The following SLC11A1 variants were observed in gnomAD, a reference collection of about 807,000 sequenced individuals.
SLC11A1 encodes the protein natural resistance-associated macrophage protein 1.
SLC11A1 carries 59 observed loss-of-function variants against 63.2 expected under a neutral mutation model. The ratio of observed to expected loss-of-function variants is 0.93; its 90% CI spans 0.76 to 1.16. The LOEUF is 1.16. Among genes scored for constraint, SLC11A1 ranks in the 50% most tolerant of loss-of-function variants. The probability of loss-of-function intolerance (pLI) is 0.00; values close to 1 mark genes in which losing one functional copy is unlikely to be tolerated. For missense variants in SLC11A1, 688 were observed against 730.7 expected, an observed-to-expected ratio of 0.94 and a Z score of 0.67; for synonymous variants, 305 against 307.8, an observed-to-expected ratio of 0.99 and a Z score of 0.09.
At position 218,384,364 on chromosome 2, in the gene SLC11A1, A is replaced by G; in HGVS notation, c.272A>G (p.Lys91Arg). 1 of 1,601,740 alleles carries G rather than the reference A, an allele frequency of 6.2e-7. No individual in the cohort carries two copies. The highest frequency in any genetic ancestry group is 8.5e-7 in the Non-Finnish European group (1 of 1,171,272). Residue 91 changes from lysine (K) to arginine (R), a missense_variant and splice_region_variant, in exon 3 of 15, where the codon AAA becomes AGA. Physicochemically the swap from Lys to Arg is conservative, Grantham distance 26. Transcript: ENST00000233202. The surrounding 1 kb of genome is among the most constrained non-coding windows in gnomAD (Gnocchi z 4.0). ...DLQAGAVAGF[K>R]LLWVLLWATV... Reference sequence around the variant, plus strand: ...CAGGCTGGCGCCGTGGCGGGATTCAAAGTAACTAAGTCGGGACCTGAGTGG... The same window carrying G: ...CAGGCTGGCGCCGTGGCGGGATTCAGAGTAACTAAGTCGGGACCTGAGTGG...
intron 5 of SLC11A1, 104 bp downstream of exon 5, chr2:218,386,845 C>A: frequency 1.2e-6 from 1 of 839,084 alleles, no homozygotes; most frequent in Non-Finnish European, 2.0e-6. Context: ...TCCTGCTGTC[C>A]CCTCTGAAGC....
chr2:218,385,650 C>G lies in SLC11A1; in HGVS notation c.393+384C>G, dbSNP rs1427064613. On this transcript the variant is annotated intron_variant, in intron 4 of 14. Coordinates refer to ENST00000233202, the MANE Select transcript of SLC11A1 (RefSeq NM_000578.4). Reference sequence around the variant, plus strand: ...AGATGATCCACCCACCTCAGTCTCCCAAAGTGCTGGGATTACAGGCATGAG... The same window carrying G: ...AGATGATCCACCCACCTCAGTCTCCGAAAGTGCTGGGATTACAGGCATGAG... 8.3e-6 allele frequency: 3 copies of G among 362,362 alleles called. No homozygotes were observed. The Admixed American group carries it at 1.1e-4, about 13-fold the overall frequency. The allele number at this position is 362,362 out of a possible 1,614,324, so 22.4% of individuals were successfully genotyped here. A position where few individuals can be genotyped will look rare whatever the true frequency, so the allele number is the denominator to read the frequency against.
intron 11 of SLC11A1, 81 bp downstream of exon 11, chr2:218,391,576 G>C (rs1385694652): frequency 5.7e-6 from 8 of 1,392,498 alleles, no homozygotes; most frequent in Non-Finnish European, 7.7e-6. Context: ...TCCGAGCCTT[G>C]TGGGTCCTCT....
Position 218,386,846 on chromosome 2 carries a change from C to T in SLC11A1, c.500+105C>T, listed in dbSNP as rs1043535344. 4 of 839,562 alleles carry T rather than the reference C, an allele frequency of 4.8e-6. No individual in the cohort carries two copies. In the African/African-American group the frequency reaches 5.0e-5, roughly 11 times the overall value. 52.0% of individuals were successfully genotyped at this position (839,562 alleles called of 1,614,324 possible). On this transcript the variant is annotated intron_variant, in intron 5 of 14. Transcript: ENST00000233202. ...CAGAGTCTATTTTATCCTGCTGTCC[C>T]CTCTGAAGCAGGGCTGCTGCCCTGT...
intron 9 of SLC11A1, 45 bp downstream of exon 9, chr2:218,390,073 T>G (rs746328705): frequency 6.3e-7 from 1 of 1,579,244 alleles, no homozygotes; most frequent in Non-Finnish European, 8.6e-7. Context: ...CACGTACTCA[T>G]GTCCTGTAAG....
intron 8 of SLC11A1, among the ~76,000 whole-genome samples, chr2:218,388,672 C>T (rs929965836): frequency 1.3e-5 from 2 of 151,900 alleles, no homozygotes; most frequent in African/African-American, 2.4e-5. Flanking sequence ...AGTGGTGGCG[C>T]GTGCCTGTAA....
chr2:218,387,741 G>A lies in SLC11A1; in HGVS notation c.640-59G>A. On this transcript the variant is annotated intron_variant, in intron 7 of 14. Coordinates refer to ENST00000233202, the MANE Select transcript of SLC11A1 (RefSeq NM_000578.4). The stretch of plus-strand genomic sequence containing the variant: ...TGGGGTGGGATGGAGGCTGAGAAAT[G>A]GTGACCGCGGCGTGGTTGCGAGGGG... The A allele has an allele frequency of 1.9e-6, 3 of 1,611,938 alleles. No homozygotes were observed. The Admixed American group carries it at 5.0e-5, about 27-fold the overall frequency.
rs142604013 is a variant in SLC11A1, at chr2:218,394,949, G to A, written c.1567G>A (p.Gly523Arg). 5.4e-5 allele frequency: 87 copies of A among 1,613,092 alleles called. No homozygotes were observed. Among genetic ancestry groups the A allele is most frequent in the African/African-American group, 5.2e-4 (39 of 74,924 alleles). Residue 523 changes from glycine to arginine, a missense_variant, in exon 15 of 15, where the codon GGA becomes AGA. Coordinates refer to ENST00000233202, the MANE Select transcript of SLC11A1 (RefSeq NM_000578.4). ...GGTCTGGACCTGTTGCCTTGCCCAC[G>A]GAGCCACCTTTCTGGCCCACAGCTC... is the stretch of plus-strand genomic sequence containing the variant. ...YLVWTCCLAH[G>R]ATFLAHSSHH...
rs1164856712 is a variant in SLC11A1, at chr2:218,384,113, A to G, written c.151-130A>G. 1.3e-5 allele frequency: 13 copies of G among 975,340 alleles called. 1 individual carries two copies. The highest frequency in any genetic ancestry group is 1.6e-5 in the Non-Finnish European group (11 of 700,288). The allele number at this position is 975,340 out of a possible 1,614,324, so 60.4% of individuals were successfully genotyped here. On this transcript the variant is annotated intron_variant, in intron 2 of 14. Transcript: ENST00000233202. This position sits in a 1 kb window ranked among gnomAD's most constrained non-coding sequence, Gnocchi z 4.0. ...TCCCCATCCCTTGGGTGGCAGACCC[A>G]GGAATGGGCCATGGAGGGCAGGGCT...
chr2:218,382,870 C>T, intron 1 of SLC11A1, 90 bp from the exon 2 acceptor site: 1 of 1,548,086 alleles, frequency 6.5e-7, no homozygotes, highest in Non-Finnish European at 8.8e-7. Flanking sequence ...CTCCACTTTT[C>T]CGGGAGGAGG....
chr2:218,390,158 TATC>T (rs1408331777), intron 9 of SLC11A1, 130 bp downstream of exon 9: 31 of 865,696 alleles, frequency 3.6e-5, no homozygotes, highest in Non-Finnish European at 4.2e-5. Context: ...TGTTGGCAGA[TATC>T]ATTCATTCAG....
At position 218,385,196 on chromosome 2, in the gene SLC11A1, G is replaced by A. The variant is rs532410275; in HGVS notation, c.323G>A (p.Arg108Gln). The change falls in exon 4 of 15, where the codon CGA becomes CAA. Residue 108 changes from arginine to glutamine, a missense_variant. Arg to Gln is a conservative substitution (Grantham distance 43). Transcript: ENST00000233202. Reference protein sequence around the residue: ...WATVLGLLCQRLAARLGVVTG... With the variant: ...WATVLGLLCQQLAARLGVVTG... The stretch of plus-strand genomic sequence containing the variant: ...ACCGTGTTGGGCTTGCTCTGCCAGC[G>A]ACTGGCTGCACGTCTGGGCGTGGTG... 1.7e-5 allele frequency: 27 copies of A among 1,614,044 alleles called. No individual in the cohort carries two copies. Among genetic ancestry groups the A allele is most frequent in the East Asian group, 8.9e-5 (4 of 44,870 alleles).
In SLC11A1 at chr2:218,395,295, A is replaced by AC; in HGVS notation, c.*260_*261insC. The AC allele has an allele frequency of 2.3e-6, 1 of 432,092 alleles. No individual in the cohort carries two copies. The highest frequency in any genetic ancestry group is 4.2e-6 in the Non-Finnish European group (1 of 237,056). 26.8% of individuals were successfully genotyped at this position (432,092 alleles called of 1,614,324 possible). A position where few individuals can be genotyped will look rare whatever the true frequency, so the allele number is the denominator to read the frequency against. On this transcript the variant is annotated 3_prime_UTR_variant, in exon 15 of 15. Coordinates refer to ENST00000233202, the MANE Select transcript of SLC11A1 (RefSeq NM_000578.4). ...AACACAGTGTCTGGCACTTGGGACA[A>AC]AAACAAACAAACGAAAAACATTTCA...
rs367636775 is a variant in SLC11A1 at position 218,393,139 on chromosome 2, C to T, written c.1314+9C>T. ...TGCTGCAGAGCCTGCTGGTGAGATG[C>T]GCCAACCCCACCAGCCCTGCCCACT... On this transcript the variant is annotated intron_variant, in intron 12 of 14. Transcript: ENST00000233202. 3.0e-5 allele frequency: 47 copies of T among 1,553,978 alleles called. No individual in the cohort carries two copies. Among genetic ancestry groups the T allele is most frequent in the Middle Eastern group, 1.9e-4 (1 of 5,288 alleles).
intron 11 of SLC11A1, 91 bp from the exon 12 acceptor site, chr2:218,392,890 G>A: frequency 9.5e-7 from 1 of 1,056,650 alleles, no homozygotes; most frequent in Non-Finnish European, 1.3e-6. Flanking sequence ...CATGCCCCCA[G>A]GGATAAATCG....
Position 218,383,021 on chromosome 2 carries a change from C to G in SLC11A1, c.69C>G (p.Ser23Arg), listed in dbSNP as rs769170673. ...SSYGSISSPT[S>R]PTSPGPQQAP... is the part of the protein sequence containing the mutation. ...ATGGTTCCATCTCCAGCCCGACCAG[C>G]CCGACCAGCCCAGGGCCACAGCAAG... The change falls in exon 2 of 15, where the codon AGC (serine) becomes AGG (arginine). Residue 23 changes from serine to arginine, a missense_variant. Ser to Arg is a moderately radical substitution (Grantham distance 110). Coordinates refer to ENST00000233202, the MANE Select transcript of SLC11A1 (RefSeq NM_000578.4). The G allele has an allele frequency of 1.3e-5, 21 of 1,613,996 alleles. No homozygotes were observed. The East Asian group carries it at 4.2e-4, about 33-fold the overall frequency.
Position 218,385,205 on chromosome 2 carries a change from C to A in SLC11A1, c.332C>A (p.Ala111Glu). 6.2e-7 allele frequency: 1 copy of A among 1,614,070 alleles called. No individual in the cohort carries two copies. The highest frequency in any genetic ancestry group is 1.1e-5 in the South Asian group (1 of 91,090). ...GGCTTGCTCTGCCAGCGACTGGCTG[C>A]ACGTCTGGGCGTGGTGACAGGCAAG... ...VLGLLCQRLA[A>E]RLGVVTGKDL... Residue 111 changes from alanine (A) to glutamate (E), a missense_variant, in exon 4 of 15, where the codon GCA (alanine) becomes GAA (glutamate). Coordinates refer to ENST00000233202, the MANE Select transcript of SLC11A1 (RefSeq NM_000578.4).
chr2:218,391,115 AC>A lies in SLC11A1; in HGVS notation c.955-80del, dbSNP rs1696407707. The A allele has an allele frequency of 4.0e-6, 5 of 1,234,804 alleles. No individual in the cohort carries two copies. In the Admixed American group the frequency reaches 8.7e-5, roughly 21 times the overall value. 76.5% of individuals were successfully genotyped at this position (1,234,804 alleles called of 1,614,324 possible). A position where few individuals can be genotyped will look rare whatever the true frequency, so the allele number is the denominator to read the frequency against. ...TCAGCCTTGGGCCACCAGTTTTGGA[AC>A]CCTGGTCAGTGCTAGGCAGTCCAGT... On this transcript the variant is annotated intron_variant, in intron 9 of 14. Coordinates refer to ENST00000233202, the MANE Select transcript of SLC11A1 (RefSeq NM_000578.4).
At position 218,395,683 on chromosome 2, in the gene SLC11A1, A is replaced by G. The variant is rs1696718429; in HGVS notation, c.*648A>G. 1 of 152,310 alleles carries G rather than the reference A, an allele frequency of 6.6e-6. No homozygotes were observed. The highest frequency in any genetic ancestry group is 1.5e-5 in the Non-Finnish European group (1 of 68,102). The allele number at this position is 152,310 out of a possible 1,614,324, so 9.4% of individuals were successfully genotyped here. A position where few individuals can be genotyped will look rare whatever the true frequency, so the allele number is the denominator to read the frequency against. Reference sequence around the variant, plus strand: ...GGCCAGGCTGGTCTCGAACTGCTGGATTCAAGTGATCCGCCCATCTCCGTC... The same window carrying G: ...GGCCAGGCTGGTCTCGAACTGCTGGGTTCAAGTGATCCGCCCATCTCCGTC... On this transcript the variant is annotated 3_prime_UTR_variant, in exon 15 of 15. Transcript: ENST00000233202.
Sources: gnomAD v4.1 joint callset for allele counts (sites outside exome capture counted in the v4.1 genomes callset) on GRCh38, gnomAD v4.1.1 for gene constraint, Gnocchi (gnomAD v3.1) non-coding constraint, MANE v1.5 for transcripts, NCBI Gene and HGNC (gene_info 2026-07-23, HGNC 2026-07-21) for gene names.